Variants in DNAJC13 observed in about 807,000 individuals in gnomAD.
DNAJC13 encodes the protein dnaJ homolog subfamily C member 13.
A neutral mutation model predicts 290.5 loss-of-function variants in DNAJC13; 75 were observed. The ratio of observed to expected loss-of-function variants is 0.26; its 90% CI spans 0.21 to 0.31. DNAJC13 has a LOEUF of 0.31. Ranked by LOEUF, DNAJC13 falls within the 10% of genes least tolerant of loss-of-function variation. The pLI is 1.00. For synonymous variants in DNAJC13, 862 were observed against 892.0 expected (o/e 0.97, Z 0.60); for missense variants, 2,260 against 2,674.5 (o/e 0.85, Z 3.42).
chr3:132,537,347 T>C (rs546432247), intron 55 of DNAJC13: 6 of 410,822 alleles, frequency 1.5e-5, no homozygotes, highest in African/African-American at 1.2e-4. Flanking sequence ...GTTGTTTGCC[T>C]TGTTTCCTAC....
intron 48 of DNAJC13, among the ~76,000 whole-genome samples, chr3:132,521,717 C>A (rs1302437599): frequency 6.6e-6 from 1 of 152,204 alleles, no homozygotes; most frequent in Non-Finnish European, 1.5e-5. Flanking sequence ...TGTCTACCTT[C>A]TCTTGTCCTC....
Position 132,488,375 on chromosome 3 carries a change from GT to G in DNAJC13, c.3347del (p.Leu1116TyrfsTer6). The G allele has an allele frequency of 1.9e-6, 3 of 1,613,612 alleles. No individual in the cohort carries two copies. Among genetic ancestry groups the G allele is most frequent in the Non-Finnish European group, 2.5e-6 (3 of 1,179,768 alleles). On this transcript the variant is annotated frameshift_variant, in exon 30 of 56. Transcript: ENST00000260818. LOFTEE classifies it high-confidence loss of function. ...ACCATATCATGCAAGATAACCCACAGTTACCCCGCCTTTATCTGAGTGGAGT... is the reference window on the plus strand; with the variant it reads ...ACCATATCATGCAAGATAACCCACAGTACCCCGCCTTTATCTGAGTGGAGT... ...LYHIMQDNPQ[L>X]PRLYLSGVFF...
intron 26 of DNAJC13, 37 bp from the exon 27 acceptor site, chr3:132,482,189 T>G: frequency 6.4e-7 from 1 of 1,567,814 alleles, no homozygotes; most frequent in Non-Finnish European, 8.7e-7. Context: ...TTTAGATTTC[T>G]GCCTTGGAAA....
At chr3:132,435,153 C>A (rs1477893369) in intron 2 of DNAJC13, among the ~76,000 whole-genome samples, 3 of 152,052 alleles carry the variant, frequency 2.0e-5, no homozygotes, top group Non-Finnish European at 4.4e-5. Flanking sequence ...TGTTTCCTGT[C>A]TGTAAGATGG....
intron 1 of DNAJC13, among the ~76,000 whole-genome samples, chr3:132,428,753 C>G (rs1466814412): frequency 1.3e-5 from 2 of 152,156 alleles, no homozygotes; most frequent in Non-Finnish European, 2.9e-5. Context: ...TACCTCCCCC[C>G]AGACGGAGTC....
At chr3:132,462,425 T>A in intron 15 of DNAJC13, 42 bp from the exon 16 acceptor site, 3 of 1,566,276 alleles carry the variant, frequency 1.9e-6, no homozygotes, top group South Asian at 1.1e-5. Context: ...TGGAATAAAA[T>A]TCTTTTTTAT....
At chr3:132,486,235 C>T (rs1255110090) in intron 29 of DNAJC13, among the ~76,000 whole-genome samples, 1 of 152,008 alleles carries the variant, frequency 6.6e-6, no homozygotes, top group African/African-American at 2.4e-5. Flanking sequence ...ACTATTACCA[C>T]ATCCCCTTTC....
intron 24 of DNAJC13, 116 bp from the exon 25 acceptor site, chr3:132,479,111 A>G: frequency 3.5e-6 from 2 of 576,002 alleles, no homozygotes; most frequent in Non-Finnish European, 6.1e-6. Flanking sequence ...TTTCTCCTTA[A>G]TGTTTATAAA....
At chr3:132,501,146 T>G (rs1161703572) in intron 39 of DNAJC13, among the ~76,000 whole-genome samples, 2 of 152,132 alleles carry the variant, frequency 1.3e-5, no homozygotes, top group Non-Finnish European at 2.9e-5. Flanking sequence ...GTGGGTTCCA[T>G]CTGAACATTA....
At chr3:132,493,705 C>G (rs1935137811) in intron 33 of DNAJC13, among the ~76,000 whole-genome samples, 1 of 151,940 alleles carries the variant, frequency 6.6e-6, no homozygotes, top group South Asian at 2.1e-4. Flanking sequence ...TATGTTAGAT[C>G]ACCTTGAGAA....
rs192390791 is a variant in DNAJC13 at position 132,492,761 on chromosome 3, A to G, written c.3825+146A>G. The stretch of plus-strand genomic sequence containing the variant: ...CACTAAGCACTGTGTGACTCTGAGT[A>G]TAGTTTATTATATTTGGGTAGATCT... On this transcript the variant is annotated intron_variant, in intron 33 of 55. Coordinates refer to ENST00000260818, the MANE Select transcript of DNAJC13 (RefSeq NM_015268.4). 1.7e-4 allele frequency: 110 copies of G among 663,326 alleles called. No individual in the cohort carries two copies. The East Asian group carries it at 2.7e-3, about 16-fold the overall frequency. The allele number at this position is 663,326 out of a possible 1,614,324, so 41.1% of individuals were successfully genotyped here. A position where few individuals can be genotyped will look rare whatever the true frequency, so the allele number is the denominator to read the frequency against.
At chr3:132,488,207 G>A in intron 29 of DNAJC13, 91 bp from the exon 30 acceptor site, 2 of 1,122,568 alleles carry the variant, frequency 1.8e-6, no homozygotes, top group Non-Finnish European at 2.4e-6. Context: ...ATTTACATAA[G>A]GAGCTATAAC....
At chr3:132,511,886 G>T (rs1576511853) in intron 44 of DNAJC13, among the ~76,000 whole-genome samples, 1 of 151,926 alleles carries the variant, frequency 6.6e-6, no homozygotes, top group East Asian at 1.9e-4. Flanking sequence ...AAATAACATT[G>T]AACATTACCT....
At chr3:132,510,640 C>T (rs939488697) in intron 43 of DNAJC13, among the ~76,000 whole-genome samples, 2 of 152,118 alleles carry the variant, frequency 1.3e-5, no homozygotes, top group South Asian at 2.1e-4. Context: ...ATGTATATCA[C>T]GTATCACAGA....
At chr3:132,483,350 T>G in intron 27 of DNAJC13, 25 bp from the exon 28 acceptor site, 6 of 1,605,462 alleles carry the variant, frequency 3.7e-6, no homozygotes, top group Non-Finnish European at 5.1e-6. Flanking sequence ...TTTGTCTGTT[T>G]GTAATAATGC....
At chr3:132,432,319 C>T (rs544556583) in intron 1 of DNAJC13, among the ~76,000 whole-genome samples, 1 of 152,228 alleles carries the variant, frequency 6.6e-6, no homozygotes, top group South Asian at 2.1e-4. Context: ...TCCCCTGCCT[C>T]AGCCTCCCGG....
rs1196855457 is a variant in DNAJC13 at position 132,505,397 on chromosome 3, A to G, written c.4980A>G (p.Gln1660=). The part of the protein sequence containing the change: ...AELLEFLESQ[Q]ENMIKKGDCD... ...TACTTGAATTTCTTGAATCCCAACA[A>G]GAAAACATGATTAAAAAAGTATGTT... Residue 1660 remains glutamine, a synonymous_variant, in exon 42 of 56, where the codon CAA becomes CAG. Coordinates refer to ENST00000260818, the MANE Select transcript of DNAJC13 (RefSeq NM_015268.4). The G allele has an allele frequency of 1.9e-6, 3 of 1,594,366 alleles. No individual in the cohort carries two copies. The highest frequency in any genetic ancestry group is 2.6e-6 in the Non-Finnish European group (3 of 1,165,162).
intron 1 of DNAJC13, among the ~76,000 whole-genome samples, chr3:132,428,675 A>T (rs1379369417): frequency 1.3e-5 from 2 of 152,098 alleles, no homozygotes; most frequent in African/African-American, 2.4e-5. Flanking sequence ...GAGTATCCTG[A>T]GATCATATAT....
At chr3:132,507,389 T>C in intron 43 of DNAJC13, 36 bp downstream of exon 43, 7 of 1,183,288 alleles carry the variant, frequency 5.9e-6, no homozygotes, top group Non-Finnish European at 8.8e-6. Context: ...CTGATACCTT[T>C]GATCATTTGT....
Sources: allele counts gnomAD v4.1 joint callset (sites outside exome capture counted in the v4.1 genomes callset), GRCh38; gene constraint gnomAD v4.1.1; transcripts MANE v1.5; gene names NCBI Gene and HGNC (gene_info 2026-07-23, HGNC 2026-07-21).